AGK: variants seen among roughly 807,000 people sequenced by gnomAD.
AGK encodes the protein acylglycerol kinase, mitochondrial.
AGK carries 52 observed loss-of-function variants against 66.4 expected under a neutral mutation model. The observed-to-expected ratio is 0.78, with a 90% CI of 0.63 to 0.99. AGK has a LOEUF of 0.99. AGK is among the 50% of genes least tolerant of loss of function. AGK has a pLI of 0.00. For synonymous variants in AGK, 182 were observed against 181.1 expected, an observed-to-expected ratio of 1.00 and a Z score of -0.04; for missense variants, 451 against 506.6, an observed-to-expected ratio of 0.89 and a Z score of 1.05.
intron 10 of AGK, among the ~76,000 whole-genome samples, chr7:141,636,298 T>C (rs933562772): frequency 6.6e-6 from 1 of 152,208 alleles, no homozygotes; most frequent in Non-Finnish European, 1.5e-5. Flanking sequence ...GAGCATGCAG[T>C]GTTTGCATCT....
At chr7:141,650,328 C>T (rs1387150652) in intron 14 of AGK, 1 of 163,226 alleles carries the variant, frequency 6.1e-6, no homozygotes, top group Non-Finnish European at 1.3e-5. Context: ...ACAGTCTGGC[C>T]AGTGAGACCA....
chr7:141,554,273 G>C (rs552784080), intron 1 of AGK, among the ~76,000 whole-genome samples: 1 of 150,856 alleles, frequency 6.6e-6, no homozygotes, highest in African/African-American at 2.4e-5. Context: ...TTTGGGCCCA[G>C]AAGTTATAGT....
intron 5 of AGK, among the ~76,000 whole-genome samples, chr7:141,605,351 T>G (rs1018698235): frequency 6.6e-6 from 1 of 152,166 alleles, no homozygotes; most frequent in African/African-American, 2.4e-5. Context: ...TTTTGGGTCC[T>G]GGTTTATAGT....
chr7:141,651,905 GC>G (rs1466344513), intron 15 of AGK, among the ~76,000 whole-genome samples: 1 of 152,178 alleles, frequency 6.6e-6, no homozygotes, highest in East Asian at 1.9e-4. Context: ...TGTAAATAAT[GC>G]AGAAGGTTAC....
chr7:141,573,077 G>A (rs971370818), intron 2 of AGK, among the ~76,000 whole-genome samples: 5 of 152,114 alleles, frequency 3.3e-5, no homozygotes, highest in African/African-American at 4.8e-5. Flanking sequence ...TCCTCATTCA[G>A]ATTCTGCTGA....
chr7:141,630,780 G>A (rs534799252), intron 9 of AGK, among the ~76,000 whole-genome samples: 22 of 152,290 alleles, frequency 1.4e-4, no homozygotes, highest in Non-Finnish European at 2.9e-4. Context: ...CTAGATGAGA[G>A]AATTAAGAGG....
rs535991900 is a variant in AGK at position 141,593,035 on chromosome 7, G to A, written c.102-111G>A. On this transcript the variant is annotated intron_variant, in intron 2 of 15. Coordinates refer to ENST00000649286, the MANE Select transcript of AGK (RefSeq NM_018238.4). ...CAGGTTTTTAAGGAACTTTCACTGG[G>A]GTGTTTTTAGAGAAGAGGTGCCTAT... The A allele has an allele frequency of 5.9e-5, 50 of 847,728 alleles. No individual in the cohort carries two copies. In the South Asian group the frequency reaches 7.3e-4, roughly 12 times the overall value. 52.5% of individuals were successfully genotyped at this position (847,728 alleles called of 1,614,324 possible).
At chr7:141,552,425 T>C (rs1225414498) in intron 1 of AGK, among the ~76,000 whole-genome samples, 1 of 152,228 alleles carries the variant, frequency 6.6e-6, no homozygotes, top group African/African-American at 2.4e-5. Flanking sequence ...GGTATAGTGG[T>C]GACCTCCATT....
intron 11 of AGK, among the ~76,000 whole-genome samples, chr7:141,638,035 C>T (rs1797211049): frequency 6.6e-6 from 1 of 152,122 alleles, no homozygotes; most frequent in African/African-American, 2.4e-5. Flanking sequence ...AGAGTAGCTA[C>T]ATATTTAAAT....
Position 141,641,245 on chromosome 7 carries a change from A to C in AGK, c.727-3A>C. 1 of 1,595,016 alleles carries C rather than the reference A, an allele frequency of 6.3e-7. No individual in the cohort carries two copies. The highest frequency in any genetic ancestry group is 8.5e-7 in the Non-Finnish European group (1 of 1,175,314). On this transcript the variant is annotated splice_region_variant and splice_polypyrimidine_tract_variant and intron_variant, in intron 11 of 15. Transcript: ENST00000649286. ...CAAAATTTTTCTCTCTCCACATTAA[A>C]AGGAGTGGCCTCAGACTCATCAAGC... is the stretch of plus-strand genomic sequence containing the variant.
chr7:141,609,509 A>G (rs1455866207), intron 5 of AGK, among the ~76,000 whole-genome samples: 1 of 152,236 alleles, frequency 6.6e-6, no homozygotes, highest in Non-Finnish European at 1.5e-5. Context: ...ATGGGGGCAG[A>G]GGGATTGGCA....
intron 2 of AGK, among the ~76,000 whole-genome samples, chr7:141,567,738 A>G (rs928887227): frequency 1.3e-5 from 2 of 152,224 alleles, no homozygotes; most frequent in Admixed American, 1.3e-4. Context: ...TCATGTCAGC[A>G]GTTTACCTGC....
chr7:141,639,138 A>G (rs1797233600), intron 11 of AGK, among the ~76,000 whole-genome samples: 1 of 152,236 alleles, frequency 6.6e-6, no homozygotes, highest in Non-Finnish European at 1.5e-5. Context: ...AAAGACTTTA[A>G]ATATACAGAC....
chr7:141,584,474 G>T (rs546699774), intron 2 of AGK, among the ~76,000 whole-genome samples: 11 of 152,312 alleles, frequency 7.2e-5, no homozygotes, highest in Admixed American at 2.0e-4. Context: ...ATTGATTGCT[G>T]TTATTATGTC....
At chr7:141,640,227 C>G (rs964169555) in intron 11 of AGK, among the ~76,000 whole-genome samples, 4 of 152,190 alleles carry the variant, frequency 2.6e-5, no homozygotes, top group Non-Finnish European at 5.9e-5. Context: ...TCTCCTAATA[C>G]TGTGAACAAA....
chr7:141,636,743 A>T (rs1319609024), intron 10 of AGK, among the ~76,000 whole-genome samples: 1 of 152,226 alleles, frequency 6.6e-6, no homozygotes, highest in Non-Finnish European at 1.5e-5. Context: ...AAGAATCTTT[A>T]CTGCGTAACT....
At chr7:141,634,812 A>G (rs1797135852) in intron 10 of AGK, among the ~76,000 whole-genome samples, 1 of 149,532 alleles carries the variant, frequency 6.7e-6, no homozygotes. Flanking sequence ...CTTTCACTTA[A>G]TAGGCCAGCC....
At chr7:141,589,843 A>T (rs543292980) in intron 2 of AGK, among the ~76,000 whole-genome samples, 5 of 152,332 alleles carry the variant, frequency 3.3e-5, no homozygotes, top group Middle Eastern at 3.4e-3. Context: ...TACAAGCATG[A>T]GTCACTGTGC....
intron 15 of AGK, among the ~76,000 whole-genome samples, chr7:141,651,978 CA>C (rs1007801677): frequency 3.3e-5 from 5 of 152,138 alleles, no homozygotes; most frequent in Non-Finnish European, 4.4e-5. Flanking sequence ...TTTACTTTAA[CA>C]TTTTTTATAA....
Sources: allele counts gnomAD v4.1 joint callset (sites outside exome capture counted in the v4.1 genomes callset), GRCh38; gene constraint gnomAD v4.1.1; transcripts MANE v1.5; gene names NCBI Gene and HGNC (gene_info 2026-07-23, HGNC 2026-07-21).